Variants in CRISP3 observed in about 807,000 individuals in gnomAD.
CRISP3 encodes the protein cysteine-rich secretory protein 3.
Under a neutral mutation model 36.1 loss-of-function variants are expected in CRISP3, and 33 were observed. The ratio of observed to expected loss-of-function variants is 0.91; its 90% CI spans 0.69 to 1.22. CRISP3 has a LOEUF of 1.22. Among genes scored for constraint, CRISP3 ranks in the 50% most tolerant of loss-of-function variants. CRISP3 has a pLI of 0.00. For missense variants in CRISP3, 330 were observed against 301.2 expected (o/e 1.10, Z -0.71); for synonymous variants, 117 against 104.6 (o/e 1.12, Z -0.72).
Position 49,735,500 on chromosome 6 carries a change from A to T in CRISP3, c.316+4T>A, listed in dbSNP as rs778228871. On this transcript the variant is annotated splice_donor_region_variant and intron_variant, in intron 4 of 7. Transcript: ENST00000263045. ...ATTCAACAAATATTTCCTAATTTAC[A>T]TACTTGTCATTCGATCCTTTGGGTT... The T allele has an allele frequency of 1.4e-5, 22 of 1,597,054 alleles. No homozygotes were observed. The highest frequency in any genetic ancestry group is 1.9e-5 in the Non-Finnish European group (22 of 1,167,898).
At chr6:49,739,717 T>C (rs1769151066) in intron 1 of CRISP3, among the ~76,000 whole-genome samples, 1 of 152,172 alleles carries the variant, frequency 6.6e-6, no homozygotes, top group Non-Finnish European at 1.5e-5. Context: ...AATGATTTGT[T>C]TGCAATTCCA....
Position 49,733,257 on chromosome 6 carries a change from T to C in CRISP3, c.498A>G (p.Gly166=). ...CTTTTTGATTGGGACAGTAGGCATT[T>C]CCACATCCAACGAGGTATGAAGAGT... ...VWYSSYLVGC[G]NAYCPNQKVL... is the part of the protein sequence containing the mutation. The change falls in exon 6 of 8, where the codon GGA becomes GGG. Residue 166 remains glycine (G), a synonymous_variant. Coordinates refer to ENST00000263045, the MANE Select transcript of CRISP3 (RefSeq NM_006061.4). The C allele has an allele frequency of 2.5e-6, 4 of 1,611,834 alleles. No homozygotes were observed. The highest frequency in any genetic ancestry group is 3.4e-6 in the Non-Finnish European group (4 of 1,178,762).
intron 1 of CRISP3, among the ~76,000 whole-genome samples, chr6:49,738,506 A>C (rs2127452823): frequency 6.6e-6 from 1 of 152,270 alleles, no homozygotes; most frequent in East Asian, 1.9e-4. Context: ...ACGTTAATAG[A>C]AGTAGTGACT....
chr6:49,736,162 G>A (rs1769046038), intron 3 of CRISP3, among the ~76,000 whole-genome samples: 1 of 152,040 alleles, frequency 6.6e-6, no homozygotes, highest in Non-Finnish European at 1.5e-5. Context: ...CAAAGATTAG[G>A]TTTTAATTCT....
chr6:49,742,341 A>G (rs1769226306), intron 1 of CRISP3, among the ~76,000 whole-genome samples: 1 of 152,204 alleles, frequency 6.6e-6, no homozygotes, highest in East Asian at 1.9e-4. Flanking sequence ...AACTTTTAAA[A>G]GAAGAATTGC....
intron 4 of CRISP3, among the ~76,000 whole-genome samples, chr6:49,734,251 A>T (rs1223837403): frequency 6.6e-6 from 1 of 152,184 alleles, no homozygotes; most frequent in Non-Finnish European, 1.5e-5. Context: ...GCTCTAGCCC[A>T]TACTCACCAG....
intron 1 of CRISP3, 52 bp downstream of exon 1, chr6:49,744,279 T>C: frequency 8.3e-6 from 11 of 1,323,778 alleles, no homozygotes; most frequent in Non-Finnish European, 1.1e-5. Flanking sequence ...AAATGTGTTG[T>C]TCACCTTGAA....
At chr6:49,737,139 G>T (rs1769075046) in intron 2 of CRISP3, among the ~76,000 whole-genome samples, 186 bp downstream of exon 2, 1 of 151,926 alleles carries the variant, frequency 6.6e-6, no homozygotes, top group South Asian at 2.1e-4. Context: ...CCCTCATGTG[G>T]CTAGGGGCTA....
intron 6 of CRISP3, among the ~76,000 whole-genome samples, chr6:49,732,315 G>C (rs755866501): frequency 1.1e-4 from 17 of 152,122 alleles, no homozygotes; most frequent in Non-Finnish European, 2.1e-4. Flanking sequence ...GACCTTACAG[G>C]TCATATTTCT....
At chr6:49,736,283 CAG>C in intron 3 of CRISP3, 106 bp downstream of exon 3, 1 of 729,260 alleles carries the variant, frequency 1.4e-6, no homozygotes, top group East Asian at 2.5e-5. Flanking sequence ...CAAAAAAATA[CAG>C]AGAGAACTTT....
chr6:49,733,152 G>T, intron 6 of CRISP3, 43 bp downstream of exon 6: 3 of 1,073,448 alleles, frequency 2.8e-6, no homozygotes, highest in South Asian at 1.5e-5. Context: ...ATGTTAAATT[G>T]TATTTAGCAT....
intron 1 of CRISP3, among the ~76,000 whole-genome samples, chr6:49,740,033 T>C (rs1343522280): frequency 6.6e-6 from 1 of 152,172 alleles, no homozygotes; most frequent in East Asian, 1.9e-4. Context: ...ATTTCAAAGA[T>C]TTATGATTTC....
Position 49,731,219 on chromosome 6 carries a change from T to A in CRISP3, c.593A>T (p.Tyr198Phe), listed in dbSNP as rs148954938. 251 of 1,611,522 alleles carry A rather than the reference T, an allele frequency of 1.6e-4. No homozygotes were observed. The Middle Eastern group carries it at 3.0e-3, about 19-fold the overall frequency. The stretch of plus-strand genomic sequence containing the variant: ...ACTGGCACAAGGTGCTCCTTGTTCA[T>A]AAGGGACATATAGTCTATTAGCCCA... ...GNWANRLYVPYEQGAPCASCP... is the reference protein window; with the variant it reads ...GNWANRLYVPFEQGAPCASCP... Residue 198 changes from tyrosine (Y) to phenylalanine (F), a missense_variant, in exon 7 of 8, where the codon TAT (tyrosine) becomes TTT (phenylalanine). By Grantham distance (22) the Tyr-to-Phe change is conservative. Transcript: ENST00000263045.
intron 1 of CRISP3, 29 bp downstream of exon 1, chr6:49,744,302 C>T (rs369777233): frequency 6.8e-7 from 1 of 1,461,142 alleles, no homozygotes; most frequent in African/African-American, 1.4e-5. Flanking sequence ...AAATAATGTT[C>T]ACCTTGAAAT....
intron 1 of CRISP3, among the ~76,000 whole-genome samples, chr6:49,742,965 A>G (rs1241492433): frequency 1.3e-5 from 2 of 152,242 alleles, no homozygotes; most frequent in South Asian, 2.1e-4. Context: ...AACTAGTCAC[A>G]GCACAGAAAA....
chr6:49,736,273 C>T (rs546878283), intron 3 of CRISP3, 118 bp downstream of exon 3: 3 of 708,306 alleles, frequency 4.2e-6, no homozygotes, highest in East Asian at 2.6e-5. Context: ...TCAAATGAAA[C>T]AAAAAAATAC....
intron 1 of CRISP3, among the ~76,000 whole-genome samples, chr6:49,741,343 A>G (rs1441842076): frequency 1.4e-4 from 22 of 151,998 alleles, no homozygotes. Context: ...AGGAGTGGAT[A>G]TAATTCCGGG....
chr6:49,733,121 T>G, intron 6 of CRISP3, 74 bp downstream of exon 6: 1 of 859,554 alleles, frequency 1.2e-6, no homozygotes, highest in East Asian at 2.8e-5. Context: ...TTAAATATGC[T>G]TTTTAGTTTT....
chr6:49,741,032 C>G (rs1407200576), intron 1 of CRISP3, among the ~76,000 whole-genome samples: 2 of 150,170 alleles, frequency 1.3e-5, no homozygotes, highest in African/African-American at 4.9e-5. Flanking sequence ...ACTCGGGAGG[C>G]AGAGCTTGCA....
Sources: allele counts gnomAD v4.1 joint callset (sites outside exome capture counted in the v4.1 genomes callset), GRCh38; gene constraint gnomAD v4.1.1; transcripts MANE v1.5; gene names NCBI Gene and HGNC (gene_info 2026-07-23, HGNC 2026-07-21).